The following ZSCAN5A variants were observed in gnomAD, a reference collection of about 807,000 sequenced individuals.
ZSCAN5A encodes zinc finger and SCAN domain containing 5A.
ZSCAN5A carries 12 observed loss-of-function variants against 23.7 expected under a neutral mutation model. That is an observed-to-expected ratio of 0.51 (90% CI 0.32 to 0.82). The LOEUF (loss-of-function observed/expected upper bound fraction) is 0.82. Among genes scored for constraint, ZSCAN5A ranks in the 40% least tolerant of loss-of-function variants. The pLI, the probability that ZSCAN5A is intolerant of heterozygous loss-of-function variation, is 0.03. For missense variants in ZSCAN5A, 597 were observed against 617.9 expected (o/e 0.97, Z 0.36); for synonymous variants, 257 against 239.9 (o/e 1.07, Z -0.66).
At chr19:56,342,897 C>G (rs938686654) in intron 2 of ZSCAN5A, 3 of 1,036,142 alleles carry the variant, frequency 2.9e-6, no homozygotes. Flanking sequence ...GTAGTCTCCC[C>G]ATCCTGAGGC....
chr19:56,262,795 AT>A (rs796564516), intron 2 of ZSCAN5A, among the ~76,000 whole-genome samples: 11 of 152,252 alleles, frequency 7.2e-5, no homozygotes, highest in African/African-American at 2.6e-4. Context: ...TCGATAGTTC[AT>A]CCTTTTTATT....
At chr19:56,314,416 C>T (rs2041237444) in intron 1 of ZSCAN5A, 1 of 152,230 alleles carries the variant, frequency 6.6e-6, no homozygotes, top group East Asian at 1.9e-4. Context: ...TCTCTGCGCA[C>T]TTACTAGAAA....
intron 2 of ZSCAN5A, among the ~76,000 whole-genome samples, chr19:56,258,605 G>A (rs890675950): frequency 1.7e-4 from 26 of 148,784 alleles, no homozygotes; most frequent in Admixed American, 1.7e-3. Flanking sequence ...CTTCCAGTGT[G>A]GGGGGTGACC....
At chr19:56,350,423 A>C (rs1011686466) in intron 2 of ZSCAN5A, among the ~76,000 whole-genome samples, 1 of 152,248 alleles carries the variant, frequency 6.6e-6, no homozygotes, top group Non-Finnish European at 1.5e-5. Context: ...AAGGTTTATA[A>C]AAGTCATAAA....
chr19:56,253,687 G>A (rs1000031411), intron 2 of ZSCAN5A, among the ~76,000 whole-genome samples: 2 of 152,114 alleles, frequency 1.3e-5, no homozygotes, highest in South Asian at 4.1e-4. Flanking sequence ...GTGGGGAGAC[G>A]TTATCCGGTG....
chr19:56,242,370 G>A (rs535647009), intron 2 of ZSCAN5A, among the ~76,000 whole-genome samples: 55 of 152,302 alleles, frequency 3.6e-4, no homozygotes, highest in Non-Finnish European at 4.9e-4. Flanking sequence ...CCCACTTCTA[G>A]CGGGTTATGT....
At chr19:56,304,575 A>G (rs2040561746) in intron 2 of ZSCAN5A, among the ~76,000 whole-genome samples, 1 of 152,174 alleles carries the variant, frequency 6.6e-6, no homozygotes, top group Non-Finnish European at 1.5e-5. Flanking sequence ...GGGGATGAGG[A>G]GAACTGGCTG....
chr19:56,288,880 CAGA>C lies in ZSCAN5A; in HGVS notation c.-128+24400_-128+24402del, dbSNP rs1163236920. Among the ~76,000 whole-genome samples the C allele has an allele frequency of 6.6e-5, 10 of 152,286 alleles. No homozygotes were observed. The East Asian group carries it at 1.9e-3, about 29-fold the overall frequency. On this transcript the variant is annotated intron_variant, in intron 2 of 5. Coordinates refer to ENST00000683990, the MANE Select transcript of ZSCAN5A (RefSeq NM_001322064.3). ...CCTACATTCTAGCCTCCAGATAGGA[CAGA>C]AGAAGAAAGTAAGTACTGTGACAGT...
At chr19:56,305,743 G>C (rs11882259) in intron 2 of ZSCAN5A, among the ~76,000 whole-genome samples, 82,463 of 151,874 alleles carry the variant, frequency 0.54, 22,699 homozygotes, top group Middle Eastern at 0.72. Context: ...AGGAAAAGCT[G>C]AGGATATGAT....
chr19:56,245,526 G>GA (rs1384257909), intron 2 of ZSCAN5A: 1 of 370,374 alleles, frequency 2.7e-6, no homozygotes. Flanking sequence ...CACAGGACAA[G>GA]AACAGAGACA....
At chr19:56,285,022 A>C (rs981327741) in intron 2 of ZSCAN5A, 2 of 985,202 alleles carry the variant, frequency 2.0e-6, no homozygotes, top group Admixed American at 1.2e-4. Context: ...CTGTCACCGG[A>C]TGGTAAGTGT....
intron 2 of ZSCAN5A, among the ~76,000 whole-genome samples, chr19:56,280,880 T>A (rs1331054906): frequency 6.6e-6 from 1 of 152,134 alleles, no homozygotes. Context: ...ACACATGCTG[T>A]TTGGGGTACA....
chr19:56,344,333 A>C (rs1171003324), intron 2 of ZSCAN5A, among the ~76,000 whole-genome samples: 1 of 152,254 alleles, frequency 6.6e-6, no homozygotes, highest in Non-Finnish European at 1.5e-5. Flanking sequence ...TTTTTATTAA[A>C]CCAATATCAA....
rs1257266479 is a variant in ZSCAN5A, at chr19:56,273,168, A to G, written c.-128+40115T>C. Reference sequence around the variant, plus strand: ...ACTGATTCTGTGACTTTGGGGAGACACTGCGTCTGCAAACCTTGCTGTCCT... The same window carrying G: ...ACTGATTCTGTGACTTTGGGGAGACGCTGCGTCTGCAAACCTTGCTGTCCT... On this transcript the variant is annotated intron_variant, in intron 2 of 5. Coordinates refer to ENST00000683990, the MANE Select transcript of ZSCAN5A (RefSeq NM_001322064.3). 2.0e-5 allele frequency among the ~76,000 whole-genome samples: 3 copies of G among 152,278 alleles called. No individual in the cohort carries two copies. The East Asian group carries it at 5.8e-4, about 29-fold the overall frequency.
In ZSCAN5A at chr19:56,346,233, C is replaced by A. The variant is rs116127041; in HGVS notation, c.-358+17002G>T. ...CGAAAACAGAAACAAACAACAACAA[C>A]AAAAAACATTTAAGCAAAACAAATG... On this transcript the variant is annotated intron_variant, in intron 2 of 6. Coordinates refer to the ZSCAN5A transcript ENST00000587340. Among the ~76,000 whole-genome samples, 884 of 150,342 alleles carry A rather than the reference C, an allele frequency of 5.9e-3. 8 individuals are homozygous for A. Among genetic ancestry groups the A allele is most frequent in the African/African-American group, 0.019 (791 of 41,078 alleles).
At chr19:56,277,698 A>G (rs2038369857) in intron 2 of ZSCAN5A, among the ~76,000 whole-genome samples, 1 of 152,136 alleles carries the variant, frequency 6.6e-6, no homozygotes, top group African/African-American at 2.4e-5. Context: ...CAGTAAAGCT[A>G]TTATTCAAAT....
chr19:56,300,361 AT>A (rs1211766699), intron 2 of ZSCAN5A, among the ~76,000 whole-genome samples: 2 of 152,316 alleles, frequency 1.3e-5, no homozygotes, highest in South Asian at 2.1e-4. Context: ...TTCACCGTAA[AT>A]TCACTTGGTT....
chr19:56,344,713 C>T (rs1418258324), intron 2 of ZSCAN5A, among the ~76,000 whole-genome samples: 17 of 150,498 alleles, frequency 1.1e-4, no homozygotes, highest in African/African-American at 4.2e-4. Flanking sequence ...ACCATCCTGG[C>T]TAACAAGGTG....
chr19:56,261,512 G>A (rs1237365421), intron 2 of ZSCAN5A, among the ~76,000 whole-genome samples: 1 of 152,174 alleles, frequency 6.6e-6, no homozygotes, highest in Non-Finnish European at 1.5e-5. Flanking sequence ...CCTGTTATCT[G>A]TCCAGTATTC....
Sources: gnomAD v4.1 joint callset for allele counts (sites outside exome capture counted in the v4.1 genomes callset) on GRCh38, gnomAD v4.1.1 for gene constraint, MANE v1.5 for transcripts, NCBI Gene and HGNC (gene_info 2026-07-23, HGNC 2026-07-21) for gene names.